DACH2: variants seen among roughly 807,000 people sequenced by gnomAD.
DACH2 encodes the protein dachshund family transcription factor 2, also known as dachshund homolog 2.
A neutral mutation model predicts 35.8 loss-of-function variants in DACH2; 17 were observed. The observed-to-expected ratio is 0.48, with a 90% CI of 0.33 to 0.71. The LOEUF (loss-of-function observed/expected upper bound fraction) is 0.71, where lower values mean the gene tolerates loss of function less well. Ranked by LOEUF, DACH2 falls within the 30% of genes least tolerant of loss-of-function variation. DACH2 has a pLI of 0.02. For missense variants in DACH2, 469 were observed against 472.7 expected, an observed-to-expected ratio of 0.99 and a Z score of 0.07; for synonymous variants, 195 against 177.3, an observed-to-expected ratio of 1.10 and a Z score of -0.79.
rs1345250080 is a variant in DACH2, at chrX:86,832,531, CGTT to C, written c.*377_*379del. On this transcript the variant is annotated 3_prime_UTR_variant, in exon 12 of 12. Transcript: ENST00000373125. ...GGTTTCCCTGTTCTACTATACATAACGTTAAAGTACACCTTCTTTGTTAAAAAT... is the reference window on the plus strand; with the variant it reads ...GGTTTCCCTGTTCTACTATACATAACAAAGTACACCTTCTTTGTTAAAAAT... 1 of 132,108 alleles carries C rather than the reference CGTT, an allele frequency of 7.6e-6. No individual in the cohort carries two copies. The highest frequency in any genetic ancestry group is 3.2e-5 in the African/African-American group (1 of 31,532). 10.9% of individuals were successfully genotyped at this position (132,108 alleles called of 1,213,427 possible).
intron 1 of DACH2, among the ~76,000 whole-genome samples, chrX:86,187,209 A>G (rs2031707309): frequency 9.0e-6 from 1 of 111,370 alleles, no homozygotes; most frequent in Non-Finnish European, 1.9e-5. Flanking sequence ...ATATGGTTAG[A>G]GGTGTCACCT....
intron 1 of DACH2, among the ~76,000 whole-genome samples, chrX:86,321,567 C>T (rs2035016008): frequency 8.9e-6 from 1 of 111,968 alleles, no homozygotes. Context: ...CACAGGCCAT[C>T]CAGTCAGGAT....
intron 3 of DACH2, among the ~76,000 whole-genome samples, chrX:86,631,493 A>G (rs1225039750): frequency 1.8e-5 from 2 of 112,417 alleles, no homozygotes; most frequent in Non-Finnish European, 3.8e-5. Context: ...AACACATGGT[A>G]CTTGACAGAT....
chrX:86,167,636 A>G (rs1195574683), intron 1 of DACH2, among the ~76,000 whole-genome samples: 1 of 110,598 alleles, frequency 9.0e-6, no homozygotes, highest in East Asian at 2.8e-4. Context: ...GTAATGTTAG[A>G]TAGTTTATTT....
At chrX:86,261,527 G>C (rs182320297) in intron 1 of DACH2, among the ~76,000 whole-genome samples, 233 of 111,651 alleles carry the variant, frequency 2.1e-3, no homozygotes, top group African/African-American at 7.1e-3. Flanking sequence ...AGGGATAAAG[G>C]CTTGATTTTA....
chrX:86,705,927 T>G lies in DACH2; in HGVS notation c.932-8621T>G, dbSNP rs189136066. Among the ~76,000 whole-genome samples, 6 of 112,039 alleles carry G rather than the reference T, an allele frequency of 5.4e-5. No individual in the cohort carries two copies. The East Asian group carries it at 1.4e-3, about 26-fold the overall frequency. ...ACTACTCAGCCACAAAAAGAATAAA[T>G]TAATATCTTTTGCAGTCACTTGGAT... On this transcript the variant is annotated intron_variant, in intron 5 of 11. Coordinates refer to ENST00000373125, the MANE Select transcript of DACH2 (RefSeq NM_053281.3).
intron 7 of DACH2, among the ~76,000 whole-genome samples, chrX:86,797,955 T>A: frequency 1.8e-5 from 2 of 112,401 alleles, no homozygotes; most frequent in Middle Eastern, 9.2e-3. Context: ...ATACTTCTCA[T>A]GAACGTCTTA....
At chrX:86,660,462 A>G (rs1036303260) in intron 4 of DACH2, among the ~76,000 whole-genome samples, 2 of 111,906 alleles carry the variant, frequency 1.8e-5, no homozygotes, top group African/African-American at 6.5e-5. Context: ...ACAGAATGGG[A>G]AAATATAGGC....
At chrX:86,682,190 C>T (rs1198775030) in intron 4 of DACH2, among the ~76,000 whole-genome samples, 2 of 111,621 alleles carry the variant, frequency 1.8e-5, no homozygotes, top group African/African-American at 3.3e-5. Context: ...TTGAAACTAC[C>T]GCTTTCTTAG....
chrX:86,716,011 C>G (rs1219685047), intron 6 of DACH2, among the ~76,000 whole-genome samples: 3 of 111,479 alleles, frequency 2.7e-5, no homozygotes, highest in East Asian at 2.8e-4. Context: ...AAAGCATAAC[C>G]TTTGTAAGAA....
intron 1 of DACH2, among the ~76,000 whole-genome samples, chrX:86,302,197 T>C (rs1443462109): frequency 9.0e-6 from 1 of 111,724 alleles, no homozygotes; most frequent in Non-Finnish European, 1.9e-5. Context: ...TAACTTTGCA[T>C]AAATATAGAA....
chrX:86,281,400 C>G (rs778366206), intron 1 of DACH2, among the ~76,000 whole-genome samples: 1 of 111,456 alleles, frequency 9.0e-6, no homozygotes, highest in Non-Finnish European at 1.9e-5. Flanking sequence ...TGACAAAAAC[C>G]ACATGATTAT....
At chrX:86,209,834 A>C (rs1210636975) in intron 1 of DACH2, among the ~76,000 whole-genome samples, 1 of 111,406 alleles carries the variant, frequency 9.0e-6, no homozygotes, top group Non-Finnish European at 1.9e-5. Context: ...ATCAGTACAC[A>C]AGAACAACAG....
chrX:86,675,206 A>C (rs934683660), intron 4 of DACH2, among the ~76,000 whole-genome samples: 1 of 111,301 alleles, frequency 9.0e-6, no homozygotes, highest in African/African-American at 3.3e-5. Context: ...GGAATGCCAG[A>C]TCTGGAAGGC....
At chrX:86,420,546 G>T (rs1208972426) in intron 2 of DACH2, among the ~76,000 whole-genome samples, 1 of 111,119 alleles carries the variant, frequency 9.0e-6, no homozygotes, top group Non-Finnish European at 1.9e-5. Flanking sequence ...TTTTGTAACA[G>T]AACACATTTA....
chrX:86,160,140 T>A, intron 1 of DACH2: 1 of 691,698 alleles, frequency 1.4e-6, no homozygotes, highest in East Asian at 3.4e-5. Context: ...TCTTTTACTA[T>A]TAAACTTAAA....
chrX:86,349,560 C>G (rs2035557196), intron 1 of DACH2, among the ~76,000 whole-genome samples: 1 of 112,405 alleles, frequency 8.9e-6, no homozygotes, highest in Admixed American at 9.4e-5. Flanking sequence ...CTCCTCCCAG[C>G]ACTTCCCTGA....
chrX:86,708,842 A>C, intron 5 of DACH2, among the ~76,000 whole-genome samples: 1 of 111,705 alleles, frequency 9.0e-6, no homozygotes, highest in East Asian at 2.8e-4. Context: ...AGGAGTAAAC[A>C]TAGCAAAATA....
At chrX:86,302,713 T>C (rs1376220353) in intron 1 of DACH2, among the ~76,000 whole-genome samples, 1 of 110,295 alleles carries the variant, frequency 9.1e-6, no homozygotes, top group African/African-American at 3.3e-5. Flanking sequence ...TATCTATATA[T>C]AGCACATATA....
Sources: allele counts gnomAD v4.1 joint callset (sites outside exome capture counted in the v4.1 genomes callset), GRCh38; gene constraint gnomAD v4.1.1; transcripts MANE v1.5; gene names NCBI Gene and HGNC (gene_info 2026-07-23, HGNC 2026-07-21).